Variants in NPAS3 observed in about 807,000 individuals in gnomAD.
NPAS3 encodes the protein neuronal PAS domain protein 3.
A neutral mutation model predicts 73.1 loss-of-function variants in NPAS3; 14 were observed. The observed-to-expected ratio is 0.19, with a 90% CI of 0.13 to 0.30. The LOEUF (loss-of-function observed/expected upper bound fraction) is 0.30, where lower values mean the gene tolerates loss of function less well. Ranked by LOEUF, NPAS3 falls within the 10% of genes least tolerant of loss-of-function variation. The pLI is 1.00. For synonymous variants in NPAS3, 620 were observed against 541.5 expected (o/e 1.14, Z -2.01); for missense variants, 1,096 against 1,250.0 (o/e 0.88, Z 1.86).
intron 7 of NPAS3, among the ~76,000 whole-genome samples, chr14:33,752,792 G>C (rs1423436678): frequency 6.6e-6 from 1 of 152,068 alleles, no homozygotes; most frequent in Admixed American, 6.6e-5. Flanking sequence ...ATATGAAATT[G>C]AGTTTTGGGG....
chr14:33,111,674 T>TA (rs1445353730), intron 2 of NPAS3, among the ~76,000 whole-genome samples: 5 of 151,414 alleles, frequency 3.3e-5, no homozygotes, highest in Non-Finnish European at 7.4e-5. Flanking sequence ...TTTTTTTTTT[T>TA]ATTATACTTC....
intron 3 of NPAS3, among the ~76,000 whole-genome samples, chr14:33,228,894 C>T (rs992855992): frequency 4.0e-5 from 6 of 151,720 alleles, no homozygotes; most frequent in Non-Finnish European, 7.3e-5. Flanking sequence ...GTATACAGTA[C>T]TTTCAAAATA....
intron 6 of NPAS3, among the ~76,000 whole-genome samples, chr14:33,686,131 G>T (rs1366902894): frequency 6.6e-6 from 1 of 152,116 alleles, no homozygotes; most frequent in Non-Finnish European, 1.5e-5. Flanking sequence ...GATGAGGAGG[G>T]ATGACCTACA....
chr14:33,650,469 C>T (rs1199109107), intron 5 of NPAS3, among the ~76,000 whole-genome samples: 1 of 152,144 alleles, frequency 6.6e-6, no homozygotes, highest in Non-Finnish European at 1.5e-5. Flanking sequence ...AATAATTAAG[C>T]ATGATAATTC....
chr14:33,200,037 A>G (rs774517398), intron 2 of NPAS3, among the ~76,000 whole-genome samples: 1 of 152,044 alleles, frequency 6.6e-6, no homozygotes, highest in Admixed American at 6.6e-5. Context: ...ACTCATTGTT[A>G]AAGGGCTATT....
chr14:33,700,134 T>A (rs2060488846), intron 6 of NPAS3, among the ~76,000 whole-genome samples: 2 of 152,152 alleles, frequency 1.3e-5, no homozygotes. Flanking sequence ...GGCTGCCGTG[T>A]CAGCATTTAT....
chr14:33,606,216 TC>T (rs1287487633), intron 5 of NPAS3, among the ~76,000 whole-genome samples: 10 of 73,744 alleles, frequency 1.4e-4, no homozygotes, highest in African/African-American at 2.6e-4. Flanking sequence ...AAGCTATCCC[TC>T]CCCCCCTCCC....
chr14:33,800,661 T>A lies in NPAS3; in HGVS notation c.2354T>A (p.Leu785Gln). The A allele has an allele frequency of 2.6e-6, 4 of 1,540,358 alleles. No individual in the cohort carries two copies. The highest frequency in any genetic ancestry group is 2.0e-5 in the Admixed American group (1 of 50,372). ...GGCCCCAGCGCGTCCAACTCCTTGCTGTACACTGGGGACCTGGAGGCGCTG... is the reference window on the plus strand; with the variant it reads ...GGCCCCAGCGCGTCCAACTCCTTGCAGTACACTGGGGACCTGGAGGCGCTG... Residue 785 changes from leucine (L) to glutamine (Q), a missense_variant, in exon 12 of 12, where the codon CTG becomes CAG. Physicochemically the swap from Leu to Gln is moderately radical, Grantham distance 113 (BLOSUM62 -2). This residue lies in a region of NPAS3 where 698 missense variants were observed against 676.7 expected (regional missense o/e 1.03). Transcript: ENST00000356141. The surrounding 1 kb of genome is among the most constrained non-coding windows in gnomAD (Gnocchi z 6.5).
At chr14:33,005,781 G>A (rs2038980390) in intron 1 of NPAS3, among the ~76,000 whole-genome samples, 1 of 152,106 alleles carries the variant, frequency 6.6e-6, no homozygotes, top group Non-Finnish European at 1.5e-5. Flanking sequence ...TTTTTTAAAT[G>A]TCGGCTTTCA....
At chr14:33,795,991 A>T (rs2063501368) in intron 10 of NPAS3, among the ~76,000 whole-genome samples, 1 of 152,180 alleles carries the variant, frequency 6.6e-6, no homozygotes, top group East Asian at 1.9e-4. Flanking sequence ...AGGGCAAGTG[A>T]TCTGTGAGCC....
intron 1 of NPAS3, among the ~76,000 whole-genome samples, chr14:32,948,579 G>A (rs1462467746): frequency 1.3e-5 from 2 of 152,070 alleles, no homozygotes; most frequent in African/African-American, 2.4e-5. Flanking sequence ...GCAATGGTTA[G>A]TTTTTGCCTC....
intron 3 of NPAS3, among the ~76,000 whole-genome samples, chr14:33,308,521 T>TACACACACACACACAC (rs1195465509): frequency 2.6e-5 from 1 of 38,526 alleles, no homozygotes; most frequent in African/African-American, 1.8e-4. Flanking sequence ...TATATATATA[T>TACACACACACACACAC]ATATATACAT....
chr14:33,037,119 A>G (rs1158502808), intron 1 of NPAS3, among the ~76,000 whole-genome samples: 1 of 152,202 alleles, frequency 6.6e-6, no homozygotes, highest in Admixed American at 6.5e-5. Flanking sequence ...GGGGAAATAT[A>G]AAAACAAAAG....
chr14:33,020,783 G>A lies in NPAS3; in HGVS notation c.51-35122G>A, dbSNP rs181970486. On this transcript the variant is annotated intron_variant, in intron 1 of 11. Coordinates refer to ENST00000356141, the Ensembl canonical transcript of NPAS3. ...TTTTGTTTCTTTTTTTTTTTGAGAT[G>A]GAATTTTGCTCTTGTGGCCCAGGCT... is the stretch of plus-strand genomic sequence containing the variant. Among the ~76,000 whole-genome samples the A allele has an allele frequency of 4.2e-3, 628 of 151,054 alleles. 2 individuals are homozygous for A. Among genetic ancestry groups the A allele is most frequent in the African/African-American group, 0.014 (561 of 41,056 alleles).
intron 3 of NPAS3, among the ~76,000 whole-genome samples, chr14:33,230,545 A>G (rs2047810788): frequency 1.3e-5 from 2 of 152,342 alleles, no homozygotes; most frequent in South Asian, 4.1e-4. Context: ...ATAAAAGAGA[A>G]TTACATCTAC....
At chr14:33,780,709 T>C (rs893713852) in intron 9 of NPAS3, 11 of 434,262 alleles carry the variant, frequency 2.5e-5, no homozygotes, top group Non-Finnish European at 4.1e-5. Context: ...CTCCAACAAA[T>C]ATGTTTGATG....
At chr14:33,795,990 G>C (rs2063501271) in intron 10 of NPAS3, among the ~76,000 whole-genome samples, 1 of 152,134 alleles carries the variant, frequency 6.6e-6, no homozygotes, top group Admixed American at 6.5e-5. Flanking sequence ...TAGGGCAAGT[G>C]ATCTGTGAGC....
At chr14:33,311,013 C>T (rs539841057) in intron 3 of NPAS3, among the ~76,000 whole-genome samples, 127 of 152,180 alleles carry the variant, frequency 8.3e-4, no homozygotes, top group African/African-American at 2.6e-3. Flanking sequence ...GTTTGTGCCA[C>T]GTGGTGTATG....
intron 4 of NPAS3, among the ~76,000 whole-genome samples, chr14:33,532,241 C>T (rs560474925): frequency 6.6e-5 from 10 of 152,206 alleles, no homozygotes; most frequent in African/African-American, 4.8e-5. Flanking sequence ...CTGATCTTTC[C>T]GTCCTTTTTA....
Sources: gnomAD v4.1 joint callset for allele counts (sites outside exome capture counted in the v4.1 genomes callset) on GRCh38, gnomAD v4.1.1 for gene constraint, gnomAD v4.1.1 regional missense constraint, Gnocchi (gnomAD v3.1) non-coding constraint, MANE v1.5 for transcripts, NCBI Gene and HGNC (gene_info 2026-07-23, HGNC 2026-07-21) for gene names.